LGSN: variants seen among roughly 807,000 people sequenced by gnomAD.
LGSN encodes the protein lengsin.
Under a neutral mutation model 19.5 loss-of-function variants are expected in LGSN, and 21 were observed. The observed-to-expected ratio is 1.07, with a 90% CI of 0.76 to 1.55. LGSN has a LOEUF of 1.55. Among genes scored for constraint, LGSN ranks in the 40% most tolerant of loss-of-function variants. LGSN has a pLI of 0.00. For synonymous variants in LGSN, 257 were observed against 215.6 expected (o/e 1.19, Z -1.68); for missense variants, 673 against 608.5 (o/e 1.11, Z -1.12).
chr6:63,400,465 G>A, the LGSN span, among the ~76,000 whole-genome samples: 1 of 152,222 alleles, frequency 6.6e-6, no homozygotes, highest in Admixed American at 6.5e-5. Context: ...CTAGATAACA[G>A]TAGACGTCCT....
chr6:63,324,478 C>T (rs900965730), upstream of LGSN, among the ~76,000 whole-genome samples: 4 of 152,106 alleles, frequency 2.6e-5, no homozygotes, highest in Admixed American at 6.5e-5. Context: ...TCTTCATGAG[C>T]ACATGGAATA....
the LGSN span, among the ~76,000 whole-genome samples, chr6:63,400,062 T>C: frequency 2.0e-5 from 3 of 152,216 alleles, no homozygotes; most frequent in African/African-American, 7.2e-5. Context: ...ACTTCAAATT[T>C]ATTGCAAAAA....
the LGSN span, among the ~76,000 whole-genome samples, chr6:63,447,452 G>T: frequency 6.6e-6 from 1 of 152,220 alleles, no homozygotes; most frequent in South Asian, 2.1e-4. Context: ...ACCTTACTTG[G>T]CTCTATGTTA....
the LGSN span, among the ~76,000 whole-genome samples, chr6:63,403,696 C>T: frequency 6.6e-6 from 1 of 152,130 alleles, no homozygotes. Flanking sequence ...GAGATCACTA[C>T]ACATTCTACA....
the LGSN span, chr6:63,480,164 G>T: frequency 9.1e-6 from 2 of 219,482 alleles, no homozygotes; most frequent in South Asian, 1.8e-4. Flanking sequence ...AAGCCCCACT[G>T]GCCTCCAGGT....
Position 63,279,881 on chromosome 6 carries a change from AT to A in LGSN, c.*139del. 1.3e-6 allele frequency: 1 copy of A among 778,072 alleles called. No homozygotes were observed. The highest frequency in any genetic ancestry group is 1.8e-5 in the South Asian group (1 of 55,170). The allele number at this position is 778,072 out of a possible 1,614,324, so 48.2% of individuals were successfully genotyped here. ...TCCTACTTCATCTGTCAAATATTCC[AT>A]GGACAAAAAAAAAAGTCAAAAGCAT... On this transcript the variant is annotated 3_prime_UTR_variant, in exon 4 of 4. Coordinates refer to ENST00000370657, the MANE Select transcript of LGSN (RefSeq NM_016571.3).
chr6:63,382,677 C>T, the LGSN span, among the ~76,000 whole-genome samples: 7 of 152,290 alleles, frequency 4.6e-5, no homozygotes, highest in East Asian at 3.9e-4. Flanking sequence ...TGCCTGTAGA[C>T]ATATATACTT....
chr6:63,564,446 T>C, the LGSN span, among the ~76,000 whole-genome samples: 2 of 152,174 alleles, frequency 1.3e-5, no homozygotes, highest in South Asian at 2.1e-4. Context: ...AGCATGACTG[T>C]TGTAGCTTTT....
chr6:63,549,955 A>G, the LGSN span, among the ~76,000 whole-genome samples: 1 of 152,186 alleles, frequency 6.6e-6, no homozygotes, highest in South Asian at 2.1e-4. Flanking sequence ...GAAGGAGGAT[A>G]TTGAATGTTC....
chr6:63,482,157 T>A, the LGSN span, among the ~76,000 whole-genome samples: 1 of 152,186 alleles, frequency 6.6e-6, no homozygotes, highest in Non-Finnish European at 1.5e-5. Context: ...TCTTTTTTTT[T>A]ATTTAAATGT....
At chr6:63,534,146 C>A in the LGSN span, among the ~76,000 whole-genome samples, 1 of 151,874 alleles carries the variant, frequency 6.6e-6, no homozygotes, top group South Asian at 2.1e-4. Context: ...CCCAGCCGAA[C>A]AAACATTTTT....
At chr6:63,428,124 T>C in the LGSN span, among the ~76,000 whole-genome samples, 1 of 152,164 alleles carries the variant, frequency 6.6e-6, no homozygotes, top group Non-Finnish European at 1.5e-5. Flanking sequence ...TAGGTGTTTA[T>C]TTTCTTCTAA....
At chr6:63,363,617 G>T in the LGSN span, among the ~76,000 whole-genome samples, 4 of 152,104 alleles carry the variant, frequency 2.6e-5, no homozygotes, top group Admixed American at 2.6e-4. Context: ...AAGATCAAAT[G>T]AATGAAATGA....
the LGSN span, among the ~76,000 whole-genome samples, chr6:63,520,252 A>G: frequency 6.6e-6 from 1 of 152,200 alleles, no homozygotes; most frequent in African/African-American, 2.4e-5. Context: ...TTATCTTTAA[A>G]TGTTGTGATA....
the LGSN span, among the ~76,000 whole-genome samples, chr6:63,447,449 T>G: frequency 5.9e-5 from 9 of 152,364 alleles, no homozygotes; most frequent in Non-Finnish European, 8.8e-5. Context: ...GCTACCTTAC[T>G]TGGCTCTATG....
intron 1 of LGSN, among the ~76,000 whole-genome samples, chr6:63,308,333 ATTT>A (rs1768478866): frequency 6.6e-6 from 1 of 152,084 alleles, no homozygotes; most frequent in Non-Finnish European, 1.5e-5. Flanking sequence ...ATTACAAGAC[ATTT>A]TCATAATTCA....
At chr6:63,441,847 T>G in the LGSN span, 1 of 297,672 alleles carries the variant, frequency 3.4e-6, no homozygotes, top group Admixed American at 4.5e-5. Flanking sequence ...GGGCGCTGGT[T>G]GCTTGTCAGG....
chr6:63,364,317 C>T, the LGSN span, among the ~76,000 whole-genome samples: 1 of 151,598 alleles, frequency 6.6e-6, no homozygotes, highest in Non-Finnish European at 1.5e-5. Context: ...TGTAAACCAA[C>T]AAAGATCAAA....
chr6:63,278,889 C>T lies in LGSN; in HGVS notation c.*1132G>A, dbSNP rs1201032216. 1 of 152,140 alleles carries T rather than the reference C, an allele frequency of 6.6e-6. No homozygotes were observed. Among genetic ancestry groups the T allele is most frequent in the Admixed American group, 6.5e-5 (1 of 15,282 alleles). The allele number at this position is 152,140 out of a possible 1,614,324, so 9.4% of individuals were successfully genotyped here. On this transcript the variant is annotated 3_prime_UTR_variant, in exon 4 of 4. Transcript: ENST00000370657. ...AATCCTCTGCTTGTGCAATTGCTAT[C>T]TAAATTGAGACTACAGTCAGTTTTA... is the stretch of plus-strand genomic sequence containing the variant.
Sources: gnomAD v4.1 joint callset for allele counts (sites outside exome capture counted in the v4.1 genomes callset) on GRCh38, gnomAD v4.1.1 for gene constraint, MANE v1.5 for transcripts, NCBI Gene and HGNC (gene_info 2026-07-23, HGNC 2026-07-21) for gene names.